Variants in MYO16 observed in about 807,000 individuals in gnomAD.
The protein encoded by MYO16 is unconventional myosin-XVI.
In MYO16, 94 loss-of-function variants were observed where a neutral mutation model predicts 205.3. That is an observed-to-expected ratio of 0.46 (90% CI 0.39 to 0.54). The LOEUF (loss-of-function observed/expected upper bound fraction) is 0.54, where lower values mean the gene tolerates loss of function less well. Among genes scored for constraint, MYO16 ranks in the 20% least tolerant of loss-of-function variants. The pLI, the probability that MYO16 is intolerant of heterozygous loss-of-function variation, is 0.00. For missense variants in MYO16, 2,315 were observed against 2,387.5 expected, an observed-to-expected ratio of 0.97 and a Z score of 0.63; for synonymous variants, 988 against 954.0, an observed-to-expected ratio of 1.04 and a Z score of -0.66.
rs369965393 is a variant in MYO16, at chr13:109,055,623, G to A, written c.3335+28G>A. On this transcript the variant is annotated intron_variant, in intron 27 of 34. Coordinates refer to ENST00000457511, the MANE Select transcript of MYO16 (RefSeq NM_001198950.3). The surrounding 1 kb of genome is among the most constrained non-coding windows in gnomAD (Gnocchi z 5.0). The stretch of plus-strand genomic sequence containing the variant: ...AAATTCTTCTGCTCTTAAAATCGTC[G>A]TTCTCGCTGCTGTTCAGTGCAGTGT... The A allele has an allele frequency of 1.4e-4, 228 of 1,579,224 alleles. 1 individual carries two copies. The East Asian group carries it at 3.8e-3, about 26-fold the overall frequency.
chr13:108,635,511 T>A lies in MYO16; in HGVS notation c.28+5639T>A, dbSNP rs182074238. ...GTGTAGATGGTTTACCTATTTATTT[T>A]TTTTTTTTTGAGGGAGTCTCACTCT... On this transcript the variant is annotated intron_variant, in intron 1 of 34. Transcript: ENST00000457511. Among the ~76,000 whole-genome samples, 44 of 150,948 alleles carry A rather than the reference T, an allele frequency of 2.9e-4. No homozygotes were observed. The East Asian group carries it at 3.5e-3, about 12-fold the overall frequency.
At chr13:108,929,339 A>G (rs956649994) in intron 16 of MYO16, among the ~76,000 whole-genome samples, 2 of 152,242 alleles carry the variant, frequency 1.3e-5, no homozygotes, top group South Asian at 4.1e-4. Context: ...ATATGTGGAA[A>G]GATGCATATT....
chr13:109,206,736 T>A lies in MYO16; in HGVS notation c.5543T>A (p.Val1848Glu). 1 of 1,614,104 alleles carries A rather than the reference T, an allele frequency of 6.2e-7. No homozygotes were observed. The highest frequency in any genetic ancestry group is 8.5e-7 in the Non-Finnish European group (1 of 1,180,008). The part of the protein sequence containing the change: ...QQILHHAEPR[V>E]PPPPPCKKPS... ...ATCCTGCACCACGCTGAGCCCAGGG[T>A]GCCTCCCCCACCACCTTGCAAGAAG... Residue 1848 changes from valine (V) to glutamate (E), a missense_variant, in exon 35 of 35, where the codon GTG (valine) becomes GAG (glutamate). Transcript: ENST00000457511.
At chr13:108,948,860 A>C (rs1327227597) in intron 16 of MYO16, among the ~76,000 whole-genome samples, 1 of 152,220 alleles carries the variant, frequency 6.6e-6, no homozygotes, top group Non-Finnish European at 1.5e-5. Context: ...CTCAAAGCAA[A>C]AGTATTAGCA....
intron 27 of MYO16, among the ~76,000 whole-genome samples, chr13:109,069,641 C>G (rs1887864428): frequency 6.6e-6 from 1 of 151,902 alleles, no homozygotes; most frequent in Non-Finnish European, 1.5e-5. Context: ...TTGGTACATA[C>G]ATGCCATGGG....
chr13:108,915,560 C>G (rs766416926), intron 16 of MYO16, among the ~76,000 whole-genome samples: 4 of 152,038 alleles, frequency 2.6e-5, no homozygotes, highest in Non-Finnish European at 4.4e-5. Flanking sequence ...ATTATACAAA[C>G]GTTACATTTG....
At chr13:109,089,683 C>T (rs1428546282) in intron 27 of MYO16, among the ~76,000 whole-genome samples, 3 of 152,170 alleles carry the variant, frequency 2.0e-5, no homozygotes, top group African/African-American at 7.2e-5. Flanking sequence ...AAGATGCTAG[C>T]TTTGCAATAA....
At chr13:109,065,283 A>G (rs1887710065) in intron 27 of MYO16, among the ~76,000 whole-genome samples, 1 of 152,166 alleles carries the variant, frequency 6.6e-6, no homozygotes, top group Admixed American at 6.6e-5. Flanking sequence ...CAACCCAGAT[A>G]TGTTCAATGG....
chr13:108,561,197 A>G, the MYO16 span, among the ~76,000 whole-genome samples: 2 of 152,250 alleles, frequency 1.3e-5, no homozygotes, highest in Non-Finnish European at 1.5e-5. Flanking sequence ...TACATTGATC[A>G]GGTATAATCA....
chr13:109,058,753 C>A (rs987579839), intron 27 of MYO16, among the ~76,000 whole-genome samples: 15 of 152,092 alleles, frequency 9.9e-5, no homozygotes, highest in African/African-American at 3.6e-4. Flanking sequence ...CTTGCTACAT[C>A]CATTGACTCC....
chr13:109,168,173 A>G (rs946083045), intron 33 of MYO16, among the ~76,000 whole-genome samples: 3 of 152,144 alleles, frequency 2.0e-5, no homozygotes, highest in African/African-American at 7.2e-5. Flanking sequence ...TAGGGCAAGG[A>G]GAAAGTTCTG....
intron 5 of MYO16, among the ~76,000 whole-genome samples, chr13:108,791,262 T>C (rs920706775): frequency 3.3e-5 from 5 of 152,226 alleles, no homozygotes; most frequent in African/African-American, 1.2e-4. Context: ...TGGACTAGTT[T>C]GAACAGAATA....
At position 108,967,254 on chromosome 13, in the gene MYO16, T is replaced by A. The variant is rs537644724; in HGVS notation, c.2369+2352T>A. ...ACTCTAACAAGTTATAAAGGGAAAA[T>A]GAGTGAAATTGAAGCAGGTGAATGT... On this transcript the variant is annotated intron_variant, in intron 20 of 34. Coordinates refer to ENST00000457511, the MANE Select transcript of MYO16 (RefSeq NM_001198950.3). Among the ~76,000 whole-genome samples, 194 of 151,668 alleles carry A rather than the reference T, an allele frequency of 1.3e-3. 1 individual carries two copies. The highest frequency in any genetic ancestry group is 2.1e-3 in the Non-Finnish European group (141 of 67,948).
intron 1 of MYO16, among the ~76,000 whole-genome samples, chr13:108,603,562 CT>C (rs1163270229): frequency 1.3e-5 from 2 of 151,910 alleles, no homozygotes; most frequent in African/African-American, 4.8e-5. Flanking sequence ...ATTTAAGCTA[CT>C]TTTTTTTCTT....
At chr13:108,590,057 CT>C in the MYO16 span, among the ~76,000 whole-genome samples, 2 of 152,180 alleles carry the variant, frequency 1.3e-5, no homozygotes, top group African/African-American at 2.4e-5. Flanking sequence ...TATTATACTG[CT>C]TTTTTAAAAA....
chr13:108,501,474 A>C, the MYO16 span, among the ~76,000 whole-genome samples: 1 of 152,208 alleles, frequency 6.6e-6, no homozygotes, highest in Non-Finnish European at 1.5e-5. Flanking sequence ...GATGAGGAAA[A>C]GAAAACTCAG....
At chr13:109,195,574 G>T (rs921593212) in intron 34 of MYO16, among the ~76,000 whole-genome samples, 5 of 151,976 alleles carry the variant, frequency 3.3e-5, no homozygotes, top group Non-Finnish European at 5.9e-5. Context: ...TCAACATCTT[G>T]TTAGCTCCAA....
chr13:109,036,980 ATCT>A (rs749303661), intron 23 of MYO16, among the ~76,000 whole-genome samples: 52 of 152,244 alleles, frequency 3.4e-4, no homozygotes, highest in South Asian at 1.0e-3. Flanking sequence ...TCGACCTAAA[ATCT>A]TCTCTCTGCT....
At chr13:108,748,087 C>T (rs901011757) in intron 4 of MYO16, among the ~76,000 whole-genome samples, 3 of 151,896 alleles carry the variant, frequency 2.0e-5, no homozygotes, top group South Asian at 2.1e-4. Flanking sequence ...TAATTCATGT[C>T]GAGATAGACT....
Sources: gnomAD v4.1 joint callset for allele counts (sites outside exome capture counted in the v4.1 genomes callset) on GRCh38, gnomAD v4.1.1 for gene constraint, Gnocchi (gnomAD v3.1) non-coding constraint, MANE v1.5 for transcripts, NCBI Gene and HGNC (gene_info 2026-07-23, HGNC 2026-07-21) for gene names.